Variants in PDE4D observed in about 807,000 individuals in gnomAD.
The protein encoded by PDE4D is 3',5'-cyclic-AMP phosphodiesterase 4D.
In PDE4D, 24 loss-of-function variants were observed where a neutral mutation model predicts 87.4. The ratio of observed to expected loss-of-function variants is 0.27; its 90% CI spans 0.20 to 0.39. The LOEUF (loss-of-function observed/expected upper bound fraction) is 0.39, where lower values mean the gene tolerates loss of function less well. Ranked by LOEUF, PDE4D falls within the 10% of genes least tolerant of loss-of-function variation. The pLI is 1.00. For synonymous variants in PDE4D, 384 were observed against 383.2 expected (o/e 1.00, Z -0.02); for missense variants, 714 against 1,041.0 (o/e 0.69, Z 4.32).
chr5:60,005,849 A>G (rs1190148038), intron 2 of PDE4D, among the ~76,000 whole-genome samples: 1 of 151,906 alleles, frequency 6.6e-6, no homozygotes, highest in Admixed American at 6.6e-5. Context: ...GGGTGCAGAG[A>G]GAAAGGATAG....
At position 58,989,799 on chromosome 5, in the gene PDE4D, C is replaced by T. The variant is rs1290773788; in HGVS notation, c.1408G>A (p.Val470Ile). ...AYHNNIHAAD[V>I]VQSTHVLLST... ...AATAGCACATGAGTAGACTGGACAA[C>T]ATCTGCAGCATGGATATTGTTGTGA... Residue 470 changes from valine (V) to isoleucine (I), a missense_variant, in exon 10 of 15, where the codon GTT becomes ATT. Val to Ile is a conservative substitution (Grantham distance 29). Coordinates refer to ENST00000340635, the MANE Select transcript of PDE4D (RefSeq NM_001104631.2). The T allele has an allele frequency of 6.2e-7, 1 of 1,611,352 alleles. No individual in the cohort carries two copies. The highest frequency in any genetic ancestry group is 8.5e-7 in the Non-Finnish European group (1 of 1,178,186).
At chr5:59,056,074 G>A (rs1032555741) in intron 5 of PDE4D, among the ~76,000 whole-genome samples, 3 of 152,160 alleles carry the variant, frequency 2.0e-5, no homozygotes, top group African/African-American at 7.2e-5. Context: ...CAGGCTTCCT[G>A]GGGAGGATAT....
chr5:59,952,067 T>C (rs1234286829), intron 3 of PDE4D, among the ~76,000 whole-genome samples: 2 of 152,208 alleles, frequency 1.3e-5, no homozygotes, highest in African/African-American at 2.4e-5. Flanking sequence ...ATGGGGGCAG[T>C]TTCCCCCATC....
chr5:59,824,182 A>G (rs964603080), intron 1 of PDE4D, among the ~76,000 whole-genome samples: 1 of 152,178 alleles, frequency 6.6e-6, no homozygotes, highest in African/African-American at 2.4e-5. Flanking sequence ...TTTACCTAAT[A>G]CAATCAACAA....
intron 1 of PDE4D, among the ~76,000 whole-genome samples, chr5:59,339,280 A>G (rs1778286352): frequency 6.6e-6 from 1 of 152,204 alleles, no homozygotes; most frequent in South Asian, 2.1e-4. Flanking sequence ...ATCAAATTAC[A>G]TATTTTCCTG....
At chr5:60,488,205 C>A (rs1749306847), upstream of PDE4D, 1 of 152,456 alleles carries the variant, frequency 6.6e-6, no homozygotes, top group Non-Finnish European at 1.5e-5. Flanking sequence ...ATGAGATATT[C>A]TACACATTAA....
At chr5:59,640,953 A>C (rs1285013465) in intron 1 of PDE4D, among the ~76,000 whole-genome samples, 2 of 151,830 alleles carry the variant, frequency 1.3e-5, no homozygotes, top group Non-Finnish European at 2.9e-5. Context: ...GTCTCCAGTC[A>C]ACTTCATTCT....
intron 2 of PDE4D, among the ~76,000 whole-genome samples, chr5:60,148,433 A>G (rs188463544): frequency 4.6e-5 from 7 of 152,336 alleles, no homozygotes; most frequent in African/African-American, 1.7e-4. Flanking sequence ...CTAGAGATAA[A>G]GTGTATGGAA....
At chr5:60,289,626 G>A (rs1203440712) in intron 1 of PDE4D, among the ~76,000 whole-genome samples, 1 of 152,142 alleles carries the variant, frequency 6.6e-6, no homozygotes, top group East Asian at 1.9e-4. Context: ...TCTCCGATTG[G>A]ACCATCCTCT....
intron 1 of PDE4D, among the ~76,000 whole-genome samples, chr5:59,885,892 G>A (rs1056394319): frequency 6.6e-6 from 1 of 152,024 alleles, no homozygotes; most frequent in Non-Finnish European, 1.5e-5. Context: ...AAGATCACTA[G>A]ACCTTTTTGG....
At chr5:59,891,780 G>GT (rs2152754638) in intron 1 of PDE4D, among the ~76,000 whole-genome samples, 1 of 88,102 alleles carries the variant, frequency 1.1e-5, no homozygotes, top group East Asian at 2.1e-4. Context: ...ACAACAGAGA[G>GT]ACATGCTCAC....
At position 59,660,872 on chromosome 5, in the gene PDE4D, C is replaced by T. The variant is rs1334022476; in HGVS notation, c.455+232296G>A. 5.3e-5 allele frequency among the ~76,000 whole-genome samples: 8 copies of T among 151,864 alleles called. 1 individual carries two copies. In the South Asian group the frequency reaches 1.2e-3, roughly 24 times the overall value. On this transcript the variant is annotated intron_variant, in intron 1 of 14. Coordinates refer to ENST00000340635, the MANE Select transcript of PDE4D (RefSeq NM_001104631.2). ...CTGAATATTGCACCTAAATTCACAA[C>T]GATAATAGCTATTTTTAAAAATACC...
chr5:59,722,993 T>C (rs1756071369), intron 1 of PDE4D, among the ~76,000 whole-genome samples: 1 of 152,118 alleles, frequency 6.6e-6, no homozygotes, highest in South Asian at 2.1e-4. Context: ...ATAGTCATGG[T>C]TCAGCCTTCT....
At chr5:60,407,584 C>T (rs912369620) in intron 1 of PDE4D, among the ~76,000 whole-genome samples, 1 of 149,334 alleles carries the variant, frequency 6.7e-6, no homozygotes, top group African/African-American at 2.5e-5. Context: ...CTCTGAGTAG[C>T]TGGGACTGCA....
At chr5:59,592,045 C>T (rs1282701640) in intron 1 of PDE4D, 20 of 553,298 alleles carry the variant, frequency 3.6e-5, no homozygotes, top group African/African-American at 4.1e-5. Context: ...GGTGAGTGTG[C>T]CATCAGAATG....
intron 1 of PDE4D, among the ~76,000 whole-genome samples, chr5:59,634,406 T>C (rs545202512): frequency 6.6e-6 from 1 of 152,230 alleles, no homozygotes; most frequent in South Asian, 2.1e-4. Context: ...TCTACAGAAC[T>C]CTCCACCACA....
intron 2 of PDE4D, among the ~76,000 whole-genome samples, chr5:60,028,341 C>T (rs1766866778): frequency 6.6e-6 from 1 of 152,216 alleles, no homozygotes; most frequent in African/African-American, 2.4e-5. Flanking sequence ...GCCCCCAAAG[C>T]CCTGCCTTCA....
At chr5:60,134,818 A>G (rs936933974) in intron 2 of PDE4D, among the ~76,000 whole-genome samples, 2 of 152,204 alleles carry the variant, frequency 1.3e-5, no homozygotes, top group Non-Finnish European at 2.9e-5. Flanking sequence ...TTTTTGATCC[A>G]TGGTTAGTTA....
chr5:59,070,500 T>C (rs1310972834), intron 5 of PDE4D, among the ~76,000 whole-genome samples: 1 of 152,190 alleles, frequency 6.6e-6, no homozygotes, highest in Non-Finnish European at 1.5e-5. Context: ...TGCTTATTGA[T>C]ACTTCATAGC....
Sources: gnomAD v4.1 joint callset for allele counts (sites outside exome capture counted in the v4.1 genomes callset) on GRCh38, gnomAD v4.1.1 for gene constraint, MANE v1.5 for transcripts, NCBI Gene and HGNC (gene_info 2026-07-23, HGNC 2026-07-21) for gene names.